Variants in TMEM131L observed in about 807,000 individuals in gnomAD.
TMEM131L encodes the protein transmembrane protein 131-like.
A neutral mutation model predicts 192.2 loss-of-function variants in TMEM131L; 54 were observed. The observed-to-expected ratio is 0.28, with a 90% CI of 0.23 to 0.35. The LOEUF is 0.35. Ranked by LOEUF, TMEM131L falls within the 10% of genes least tolerant of loss-of-function variation. The pLI is 1.00. For synonymous variants in TMEM131L, 701 were observed against 704.9 expected (o/e 0.99, Z 0.09); for missense variants, 1,888 against 1,972.9 (o/e 0.96, Z 0.82).
intron 3 of TMEM131L, among the ~76,000 whole-genome samples, chr4:153,540,736 G>A (rs1384877572): frequency 6.6e-6 from 1 of 152,210 alleles, no homozygotes; most frequent in African/African-American, 2.4e-5. Flanking sequence ...TGCACCTTTA[G>A]GAAACTAATA....
chr4:153,550,243 A>G, intron 4 of TMEM131L, 102 bp downstream of exon 4: 1 of 505,492 alleles, frequency 2.0e-6, no homozygotes, highest in Non-Finnish European at 3.5e-6. Context: ...AGGTATATTG[A>G]TAATATGAAG....
chr4:153,621,906 A>T lies in TMEM131L; in HGVS notation c.3859+57A>T, dbSNP rs1472033734. 21 of 1,525,398 alleles carry T rather than the reference A, an allele frequency of 1.4e-5. No individual in the cohort carries two copies. The South Asian group carries it at 2.3e-4, about 17-fold the overall frequency. 94.5% of individuals were successfully genotyped at this position (1,525,398 alleles called of 1,614,324 possible). A position where few individuals can be genotyped will look rare whatever the true frequency, so the allele number is the denominator to read the frequency against. Reference sequence around the variant, plus strand: ...TTCTGTGGGAATTTTTGTTTCCTCAATGAAGTATCTAATAAGAGAAATGAC... The same window carrying T: ...TTCTGTGGGAATTTTTGTTTCCTCATTGAAGTATCTAATAAGAGAAATGAC... On this transcript the variant is annotated intron_variant, in intron 28 of 34. Coordinates refer to ENST00000409959, the MANE Select transcript of TMEM131L (RefSeq NM_001131007.2).
chr4:153,466,895 C>T (rs942833120), intron 1 of TMEM131L, among the ~76,000 whole-genome samples: 1 of 152,158 alleles, frequency 6.6e-6, no homozygotes, highest in African/African-American at 2.4e-5. Flanking sequence ...CGCCCAGGGT[C>T]CACACTCCAG....
In TMEM131L at chr4:153,591,081, G is replaced by A. The variant is rs190592402; in HGVS notation, c.1699G>A (p.Ala567Thr). 1.8e-5 allele frequency: 29 copies of A among 1,597,074 alleles called. No homozygotes were observed. The highest frequency in any genetic ancestry group is 2.4e-5 in the Non-Finnish European group (28 of 1,170,022). The change falls in exon 17 of 35, where the codon GCT becomes ACT. Residue 567 changes from alanine to threonine, a missense_variant. Transcript: ENST00000409959. The part of the protein sequence containing the change: ...KRNVLGTTRF[A>T]HLKKSKESES... ...GAATGTTTTGGGAACAACTCGATTT[G>A]CTCACTTGAAGAAATCCAAGGAGTC...
Position 153,636,308 on chromosome 4 carries a change from T to A in TMEM131L, c.4565T>A (p.Leu1522His). 1.2e-6 allele frequency: 2 copies of A among 1,613,338 alleles called. No homozygotes were observed. Among genetic ancestry groups the A allele is most frequent in the Non-Finnish European group, 1.7e-6 (2 of 1,179,338 alleles). ...TCCTCATTTATACTTCAGCCCTACC[T>A]CACAAGCACCCGAAGCTTGTCTCCA... ...HASFISSPPY[L>H]TSTRSLSPMS... The change falls in exon 35 of 35, where the codon CTC becomes CAC. Residue 1522 changes from leucine to histidine, a missense_variant. Coordinates refer to ENST00000409959, the MANE Select transcript of TMEM131L (RefSeq NM_001131007.2).
rs1733429870 is a variant in TMEM131L, at chr4:153,621,789, G to A, written c.3799G>A (p.Glu1267Lys). 6.2e-7 allele frequency: 1 copy of A among 1,614,206 alleles called. No homozygotes were observed. The highest frequency in any genetic ancestry group is 1.1e-5 in the South Asian group (1 of 91,088). The change falls in exon 28 of 35, where the codon GAG (glutamate) becomes AAG (lysine). Residue 1267 changes from glutamate to lysine, a missense_variant. Coordinates refer to ENST00000409959, the MANE Select transcript of TMEM131L (RefSeq NM_001131007.2). ...RSWCIQESTR[E>K]VCKADAEIAS... ...CTGGTGTATACAGGAAAGCACTAGG[G>A]AGGTTTGTAAAGCAGATGCCGAAAT... is the stretch of plus-strand genomic sequence containing the variant.
intron 3 of TMEM131L, among the ~76,000 whole-genome samples, chr4:153,500,151 A>T (rs1376441263): frequency 3.3e-5 from 5 of 151,338 alleles, no homozygotes; most frequent in African/African-American, 1.2e-4. Context: ...CCCAGGCTGG[A>T]GTGCAATGGT....
intron 3 of TMEM131L, among the ~76,000 whole-genome samples, chr4:153,514,035 C>G (rs1734539772): frequency 6.6e-6 from 1 of 151,884 alleles, no homozygotes; most frequent in Non-Finnish European, 1.5e-5. Context: ...TAAGTGGATT[C>G]CTTTGAGTAG....
At chr4:153,596,189 G>A (rs878999294) in intron 19 of TMEM131L, 69 bp from the exon 20 acceptor site, 1 of 1,560,788 alleles carries the variant, frequency 6.4e-7, no homozygotes, top group African/African-American at 1.4e-5. Context: ...TTAAACTCTA[G>A]GATGCACTTA....
In TMEM131L at chr4:153,473,872, C is replaced by G. The variant is rs1489691626; in HGVS notation, c.223C>G (p.Pro75Ala). The change falls in exon 3 of 35, where the codon CCT becomes GCT. Residue 75 changes from proline (P) to alanine (A), a missense_variant. Physicochemically the swap from Pro to Ala is conservative, Grantham distance 27. Transcript: ENST00000409959. ...TGATTCTGAAGAGGGTCTGGAGGAG[C>G]CTTCTCAAGAACAGAGGTAAGGAAA... ...QGDSEEGLEE[P>A]SQEQSFSDKL... 1 of 1,545,116 alleles carries G rather than the reference C, an allele frequency of 6.5e-7. No homozygotes were observed. The highest frequency in any genetic ancestry group is 1.2e-5 in the South Asian group (1 of 82,412).
chr4:153,584,376 T>G (rs1046929743), intron 11 of TMEM131L, among the ~76,000 whole-genome samples: 1 of 152,168 alleles, frequency 6.6e-6, no homozygotes, highest in African/African-American at 2.4e-5. Flanking sequence ...TATATAACTT[T>G]AAAAAAGTTG....
intron 3 of TMEM131L, among the ~76,000 whole-genome samples, chr4:153,510,742 C>T (rs904763198): frequency 4.6e-5 from 7 of 151,970 alleles, no homozygotes; most frequent in African/African-American, 7.3e-5. Flanking sequence ...ATTAGCTGGA[C>T]GCGGTGGCAC....
chr4:153,538,094 T>C (rs1736479393), intron 3 of TMEM131L, among the ~76,000 whole-genome samples: 1 of 152,204 alleles, frequency 6.6e-6, no homozygotes, highest in East Asian at 1.9e-4. Context: ...TGAGGATGTT[T>C]TAAGCAATCT....
intron 3 of TMEM131L, among the ~76,000 whole-genome samples, chr4:153,481,753 GTCT>G (rs1731955657): frequency 6.6e-6 from 1 of 151,996 alleles, no homozygotes; most frequent in Non-Finnish European, 1.5e-5. Context: ...GCGCAGTCTT[GTCT>G]CGAACTCCTG....
chr4:153,620,356 A>G (rs1033332891), intron 26 of TMEM131L, among the ~76,000 whole-genome samples: 2 of 152,230 alleles, frequency 1.3e-5, no homozygotes, highest in Admixed American at 6.5e-5. Context: ...ACAAAAACAT[A>G]AAGACACAAC....
At chr4:153,468,971 C>G (rs1028630554) in intron 2 of TMEM131L, among the ~76,000 whole-genome samples, 1 of 152,152 alleles carries the variant, frequency 6.6e-6, no homozygotes, top group Non-Finnish European at 1.5e-5. Flanking sequence ...TATATACTCT[C>G]ATTTGTTAGA....
chr4:153,498,093 TTC>T (rs1428109428), intron 3 of TMEM131L, among the ~76,000 whole-genome samples: 1 of 152,216 alleles, frequency 6.6e-6, no homozygotes, highest in South Asian at 2.1e-4. Flanking sequence ...CTGCCTGCTA[TTC>T]TCTGAGTTTA....
chr4:153,620,446 G>A (rs1160580286), intron 26 of TMEM131L, among the ~76,000 whole-genome samples: 1 of 152,184 alleles, frequency 6.6e-6, no homozygotes, highest in African/African-American at 2.4e-5. Flanking sequence ...AAATTAACAG[G>A]TGAAGGTTGG....
In TMEM131L at chr4:153,602,712, C is replaced by T. The variant is rs1338694825; in HGVS notation, c.2624C>T (p.Thr875Met). The change falls in exon 23 of 35, where the codon ACG becomes ATG. Residue 875 changes from threonine to methionine, a missense_variant. By Grantham distance (81) the Thr-to-Met change is moderately conservative (BLOSUM62 -1). Transcript: ENST00000409959. ...TGGGAGGAGTCATTTTGGAGGCTCA[C>T]GGTCTTCTTTGTCAGGTAAACCACT... ...PSWEESFWRLTVFFVSLSLLG... is the reference protein window; with the variant it reads ...PSWEESFWRLMVFFVSLSLLG... The T allele has an allele frequency of 1.1e-5, 17 of 1,613,836 alleles. No homozygotes were observed. The highest frequency in any genetic ancestry group is 5.3e-5 in the African/African-American group (4 of 74,900).
Sources: allele counts gnomAD v4.1 joint callset (sites outside exome capture counted in the v4.1 genomes callset), GRCh38; gene constraint gnomAD v4.1.1; transcripts MANE v1.5; gene names NCBI Gene and HGNC (gene_info 2026-07-23, HGNC 2026-07-21).